LMX1A: variants seen among roughly 807,000 people sequenced by gnomAD.
LMX1A encodes the protein LIM homeobox transcription factor 1 alpha, also known as LIM homeobox transcription factor 1-alpha.
A neutral mutation model predicts 49.1 loss-of-function variants in LMX1A; 15 were observed. The ratio of observed to expected loss-of-function variants is 0.31; its 90% CI spans 0.20 to 0.47. LMX1A has a LOEUF of 0.47. LMX1A is among the 20% of genes least tolerant of loss of function. The pLI is 1.00. For synonymous variants in LMX1A, 167 were observed against 185.7 expected (o/e 0.90, Z 0.82); for missense variants, 372 against 475.8 (o/e 0.78, Z 2.03).
chr1:165,294,203 T>C (rs998116634), intron 3 of LMX1A, among the ~76,000 whole-genome samples: 3 of 152,244 alleles, frequency 2.0e-5, no homozygotes, highest in African/African-American at 7.2e-5. Flanking sequence ...GAAGTGACCA[T>C]GCTGACTTAG....
intron 6 of LMX1A, among the ~76,000 whole-genome samples, chr1:165,209,159 A>T (rs1651253840): frequency 6.6e-6 from 1 of 152,200 alleles, no homozygotes; most frequent in South Asian, 2.1e-4. Context: ...GGCCTCTGCA[A>T]CTTATTGCAC....
intron 3 of LMX1A, among the ~76,000 whole-genome samples, chr1:165,264,931 C>G (rs778750761): frequency 6.6e-6 from 1 of 152,036 alleles, no homozygotes; most frequent in Admixed American, 6.5e-5. Context: ...AGGCCGGGCG[C>G]GGTGGCTCAC....
chr1:165,243,751 T>C (rs1163148907), intron 4 of LMX1A, among the ~76,000 whole-genome samples: 1 of 152,258 alleles, frequency 6.6e-6, no homozygotes, highest in Non-Finnish European at 1.5e-5. Context: ...GAATTCAATG[T>C]AACAGTTCTG....
intron 3 of LMX1A, among the ~76,000 whole-genome samples, chr1:165,342,817 C>A (rs915469954): frequency 2.0e-5 from 3 of 151,894 alleles, no homozygotes; most frequent in African/African-American, 4.8e-5. Context: ...GAATTGTGAT[C>A]TCACTGGGGT....
intron 3 of LMX1A, among the ~76,000 whole-genome samples, chr1:165,321,927 A>C (rs1329751287): frequency 2.6e-5 from 4 of 152,160 alleles, no homozygotes; most frequent in Non-Finnish European, 1.5e-5. Flanking sequence ...ATATTTGCAA[A>C]TCATATATAA....
At position 165,235,895 on chromosome 1, in the gene LMX1A, C is replaced by A. The variant is rs558685779; in HGVS notation, c.496+13513G>T. ...TATCTGCATTTTCTCATAAAACTGC[C>A]GTCCGTGTGTGTTTCTGCGCCTGGC... On this transcript the variant is annotated intron_variant, in intron 4 of 8. Transcript: ENST00000342310. Among the ~76,000 whole-genome samples the A allele has an allele frequency of 6.6e-5, 10 of 152,224 alleles. No individual in the cohort carries two copies. The East Asian group carries it at 1.5e-3, about 24-fold the overall frequency.
At chr1:165,269,611 A>G (rs952412552) in intron 3 of LMX1A, among the ~76,000 whole-genome samples, 1 of 152,256 alleles carries the variant, frequency 6.6e-6, no homozygotes, top group Non-Finnish European at 1.5e-5. Flanking sequence ...TCATTGCAGA[A>G]CTATTCACAA....
At chr1:165,341,536 G>A (rs538683415) in intron 3 of LMX1A, among the ~76,000 whole-genome samples, 3 of 151,950 alleles carry the variant, frequency 2.0e-5, no homozygotes, top group African/African-American at 7.2e-5. Context: ...AAAACAAGAA[G>A]TGTCTTCCTT....
intron 3 of LMX1A, among the ~76,000 whole-genome samples, chr1:165,290,808 A>C (rs1175329225): frequency 6.6e-6 from 1 of 152,206 alleles, no homozygotes; most frequent in Non-Finnish European, 1.5e-5. Flanking sequence ...TTTTTTGGAA[A>C]GGTAAATTCT....
intron 3 of LMX1A, among the ~76,000 whole-genome samples, chr1:165,335,694 A>C (rs1349171747): frequency 6.6e-6 from 1 of 152,202 alleles, no homozygotes; most frequent in Non-Finnish European, 1.5e-5. Context: ...CCAAATAAAT[A>C]CTGGATGATC....
chr1:165,284,997 G>A (rs1654264537), intron 3 of LMX1A, among the ~76,000 whole-genome samples: 1 of 152,206 alleles, frequency 6.6e-6, no homozygotes, highest in African/African-American at 2.4e-5. Flanking sequence ...GACCTTGCCT[G>A]GCTATGCCAG....
chr1:165,283,041 C>T (rs1210806046), intron 3 of LMX1A, among the ~76,000 whole-genome samples: 1 of 152,238 alleles, frequency 6.6e-6, no homozygotes, highest in Non-Finnish European at 1.5e-5. Context: ...CTCCAGCGCA[C>T]TGATTTCTTT....
chr1:165,336,507 A>C (rs1458057520), intron 3 of LMX1A, among the ~76,000 whole-genome samples: 1 of 152,134 alleles, frequency 6.6e-6, no homozygotes, highest in Non-Finnish European at 1.5e-5. Flanking sequence ...AGAAGTTTTT[A>C]AAGAATAAAG....
At chr1:165,227,493 A>G (rs1259913132) in intron 4 of LMX1A, among the ~76,000 whole-genome samples, 1 of 152,180 alleles carries the variant, frequency 6.6e-6, no homozygotes, top group African/African-American at 2.4e-5. Context: ...GTGAGCCAAG[A>G]TTGAGCCACT....
At chr1:165,232,688 A>G (rs536113289) in intron 4 of LMX1A, among the ~76,000 whole-genome samples, 1 of 152,340 alleles carries the variant, frequency 6.6e-6, no homozygotes, top group Non-Finnish European at 1.5e-5. Flanking sequence ...TTCTTGGGGA[A>G]TGTGCTGGAA....
At chr1:165,346,446 C>G (rs923227302) in intron 3 of LMX1A, among the ~76,000 whole-genome samples, 3 of 152,238 alleles carry the variant, frequency 2.0e-5, no homozygotes, top group Non-Finnish European at 2.9e-5. Context: ...AATGGGGAAT[C>G]TGGCAATCGT....
chr1:165,289,485 T>C (rs1654398557), intron 3 of LMX1A, among the ~76,000 whole-genome samples: 1 of 152,244 alleles, frequency 6.6e-6, no homozygotes, highest in South Asian at 2.1e-4. Context: ...CTCCCTGGCT[T>C]CAAATCTTAC....
intron 3 of LMX1A, among the ~76,000 whole-genome samples, chr1:165,322,247 G>A (rs1557884577): frequency 6.6e-6 from 1 of 152,110 alleles, no homozygotes; most frequent in Non-Finnish European, 1.5e-5. Flanking sequence ...TGGTACATCT[G>A]CTGTGGAAAA....
chr1:165,291,355 T>C (rs1185322993), intron 3 of LMX1A, among the ~76,000 whole-genome samples: 1 of 152,196 alleles, frequency 6.6e-6, no homozygotes, highest in Non-Finnish European at 1.5e-5. Context: ...AGCAGATACC[T>C]GTACCTGGCT....
Sources: allele counts gnomAD v4.1 joint callset (sites outside exome capture counted in the v4.1 genomes callset), GRCh38; gene constraint gnomAD v4.1.1; transcripts MANE v1.5; gene names NCBI Gene and HGNC (gene_info 2026-07-23, HGNC 2026-07-21).